Variants in AK5 observed in about 807,000 individuals in gnomAD.
The protein encoded by AK5 is adenylate kinase 5.
In AK5, 27 loss-of-function variants were observed where a neutral mutation model predicts 69.5. That is an observed-to-expected ratio of 0.39 (90% CI 0.29 to 0.54). The LOEUF (loss-of-function observed/expected upper bound fraction) is 0.54. AK5 is among the 20% of genes least tolerant of loss of function. AK5 has a pLI of 0.71. For missense variants in AK5, 531 were observed against 700.4 expected (o/e 0.76, Z 2.73); for synonymous variants, 260 against 244.4 (o/e 1.06, Z -0.60).
chr1:77,326,383 T>A (rs1660805893), intron 5 of AK5, among the ~76,000 whole-genome samples: 1 of 152,096 alleles, frequency 6.6e-6, no homozygotes, highest in African/African-American at 2.4e-5. Flanking sequence ...TTCAGCTACG[T>A]AAATCAAAGT....
chr1:77,295,874 A>G (rs1264181519), intron 3 of AK5, among the ~76,000 whole-genome samples: 1 of 152,204 alleles, frequency 6.6e-6, no homozygotes, highest in African/African-American at 2.4e-5. Flanking sequence ...TTCGGAGAAT[A>G]TGTAAATACT....
At chr1:77,543,691 G>A (rs147397719) in intron 13 of AK5, among the ~76,000 whole-genome samples, 1,592 of 152,142 alleles carry the variant, frequency 0.01, 18 homozygotes, top group Non-Finnish European at 0.015. Context: ...AACCACTGGC[G>A]ATAGGGAGCA....
At chr1:77,325,547 T>C (rs1660756750) in intron 5 of AK5, among the ~76,000 whole-genome samples, 1 of 152,160 alleles carries the variant, frequency 6.6e-6, no homozygotes, top group Admixed American at 6.5e-5. Context: ...TATGATCATG[T>C]GCTGCTCACG....
intron 6 of AK5, among the ~76,000 whole-genome samples, chr1:77,389,128 G>C (rs1197718560): frequency 6.6e-6 from 1 of 152,200 alleles, no homozygotes; most frequent in Non-Finnish European, 1.5e-5. Flanking sequence ...CTGTACTGTG[G>C]GACCCTGTGA....
intron 13 of AK5, among the ~76,000 whole-genome samples, chr1:77,543,536 T>TTTC (rs10673675): frequency 0.035 from 5,241 of 151,370 alleles, 127 homozygotes; most frequent in Non-Finnish European, 0.053. Context: ...TATTTTTTTT[T>TTTC]TATTGTTTGT....
chr1:77,396,371 T>C (rs959095290), intron 6 of AK5, among the ~76,000 whole-genome samples: 3 of 152,238 alleles, frequency 2.0e-5, no homozygotes, highest in Non-Finnish European at 4.4e-5. Flanking sequence ...GGAAAAATTG[T>C]TCAATTACAC....
intron 8 of AK5, among the ~76,000 whole-genome samples, chr1:77,467,229 CT>C (rs1239089051): frequency 6.6e-6 from 1 of 152,200 alleles, no homozygotes; most frequent in Non-Finnish European, 1.5e-5. Context: ...AGGTGTGAGA[CT>C]TTGGTCCTTG....
chr1:77,283,023 G>T (rs1050992024), intron 1 of AK5: 59 of 985,512 alleles, frequency 6.0e-5, no homozygotes, highest in Non-Finnish European at 6.5e-5. Context: ...GCCAGTGCTC[G>T]ACAACCCACC....
At chr1:77,382,456 T>C (rs748620949) in intron 6 of AK5, among the ~76,000 whole-genome samples, 2 of 152,156 alleles carry the variant, frequency 1.3e-5, no homozygotes, top group Non-Finnish European at 2.9e-5. Context: ...GCTCAAATAA[T>C]CCTCCCATCT....
intron 6 of AK5, among the ~76,000 whole-genome samples, chr1:77,365,468 G>C (rs1646934313): frequency 6.6e-6 from 1 of 152,216 alleles, no homozygotes; most frequent in Non-Finnish European, 1.5e-5. Flanking sequence ...TAACTCTGGT[G>C]TTCTGTAGGT....
intron 5 of AK5, among the ~76,000 whole-genome samples, chr1:77,298,276 C>T (rs1161152523): frequency 6.6e-6 from 1 of 151,576 alleles, no homozygotes; most frequent in Non-Finnish European, 1.5e-5. Context: ...CAGTACTGTC[C>T]AGGGATGCAA....
At chr1:77,462,708 T>C (rs1290437418) in intron 8 of AK5, among the ~76,000 whole-genome samples, 1 of 152,164 alleles carries the variant, frequency 6.6e-6, no homozygotes, top group African/African-American at 2.4e-5. Context: ...ATAATTTGGG[T>C]ATTTTCTGGG....
At chr1:77,340,796 A>C in intron 6 of AK5, 1 of 406,906 alleles carries the variant, frequency 2.5e-6, no homozygotes, top group Non-Finnish European at 4.3e-6. Flanking sequence ...AAAGAAGATA[A>C]ATTTTAACCT....
chr1:77,326,017 G>A (rs1245793301), intron 5 of AK5, among the ~76,000 whole-genome samples: 5 of 152,136 alleles, frequency 3.3e-5, no homozygotes, highest in Non-Finnish European at 7.4e-5. Flanking sequence ...TATGTAGGAT[G>A]TGCAAGAAAA....
At chr1:77,492,757 G>A (rs1160865917) in intron 10 of AK5, among the ~76,000 whole-genome samples, 1 of 152,186 alleles carries the variant, frequency 6.6e-6, no homozygotes, top group South Asian at 2.1e-4. Context: ...GAAAGTCTGT[G>A]CACTTGTCAG....
intron 6 of AK5, among the ~76,000 whole-genome samples, chr1:77,384,859 C>G (rs1647894467): frequency 6.6e-6 from 1 of 152,032 alleles, no homozygotes; most frequent in Non-Finnish European, 1.5e-5. Flanking sequence ...AAGTGATAAC[C>G]AATTAGTGAA....
At chr1:77,304,187 C>T (rs1479213316) in intron 5 of AK5, among the ~76,000 whole-genome samples, 1 of 152,090 alleles carries the variant, frequency 6.6e-6, no homozygotes, top group African/African-American at 2.4e-5. Flanking sequence ...CCTTCCTGGC[C>T]TCTGATAACC....
At chr1:77,417,492 C>G (rs1650508354) in intron 7 of AK5, 147 bp from the exon 8 acceptor site, 3 of 609,674 alleles carry the variant, frequency 4.9e-6, no homozygotes, top group Non-Finnish European at 8.7e-6. Context: ...TCCAGCAAAA[C>G]ATTGTACCTG....
At chr1:77,304,195 A>G (rs982981859) in intron 5 of AK5, among the ~76,000 whole-genome samples, 3 of 152,028 alleles carry the variant, frequency 2.0e-5, no homozygotes, top group Admixed American at 2.0e-4. Flanking sequence ...GCCTCTGATA[A>G]CCATCCTTTT....
Sources: allele counts gnomAD v4.1 joint callset (sites outside exome capture counted in the v4.1 genomes callset), GRCh38; gene constraint gnomAD v4.1.1; transcripts MANE v1.5; gene names NCBI Gene and HGNC (gene_info 2026-07-23, HGNC 2026-07-21).